The following WNT7A variants were observed in gnomAD, a reference collection of about 807,000 sequenced individuals.
WNT7A encodes Wnt family member 7A.
A neutral mutation model predicts 28.2 loss-of-function variants in WNT7A; 16 were observed. That is an observed-to-expected ratio of 0.57 (90% CI 0.38 to 0.86). The LOEUF is 0.86. Among genes scored for constraint, WNT7A ranks in the 40% least tolerant of loss-of-function variants. WNT7A has a pLI of 0.00. For synonymous variants in WNT7A, 190 were observed against 195.9 expected (o/e 0.97, Z 0.25); for missense variants, 411 against 489.7 (o/e 0.84, Z 1.52).
At chr3:13,879,719 C>T in intron 1 of WNT7A, 27 bp downstream of exon 1, 2 of 1,608,862 alleles carry the variant, frequency 1.2e-6, no homozygotes, top group Non-Finnish European at 8.5e-7. Flanking sequence ...TCGAAACACG[C>T]GCGGAAAGGG....
chr3:13,843,690 GA>G (rs200637555), intron 3 of WNT7A, among the ~76,000 whole-genome samples: 35 of 142,398 alleles, frequency 2.5e-4, no homozygotes, highest in South Asian at 2.2e-4. Context: ...AAAAGATGTT[GA>G]AAAAAAAAAA....
intron 1 of WNT7A, among the ~76,000 whole-genome samples, chr3:13,877,972 C>T (rs918247714): frequency 6.6e-6 from 1 of 152,258 alleles, no homozygotes; most frequent in Non-Finnish European, 1.5e-5. Flanking sequence ...GACTTCACCC[C>T]TCATGTCCAC....
rs937707975 is a variant in WNT7A at position 13,818,294 on chromosome 3, A to G, written c.*650T>C. On this transcript the variant is annotated 3_prime_UTR_variant, in exon 4 of 4. Transcript: ENST00000285018. ...CAAAAGGATGGAAAACATACTCTGG[A>G]AAAAACGTCTCCAAATCTGGACCAG... 6.7e-6 allele frequency: 1 copy of G among 149,322 alleles called. No individual in the cohort carries two copies. The highest frequency in any genetic ancestry group is 2.5e-5 in the African/African-American group (1 of 40,408). 9.2% of individuals were successfully genotyped at this position (149,322 alleles called of 1,614,324 possible). A position where few individuals can be genotyped will look rare whatever the true frequency, so the allele number is the denominator to read the frequency against.
At chr3:13,830,169 C>T (rs1052380955) in intron 3 of WNT7A, among the ~76,000 whole-genome samples, 3 of 152,114 alleles carry the variant, frequency 2.0e-5, no homozygotes, top group Non-Finnish European at 2.9e-5. Context: ...GCAGGAGGCT[C>T]GTTCCTGAAC....
In WNT7A at chr3:13,868,632, AAGAG is replaced by A. The variant is rs1174142160; in HGVS notation, c.298+6311_298+6314del. On this transcript the variant is annotated intron_variant, in intron 2 of 3. Coordinates refer to ENST00000285018, the MANE Select transcript of WNT7A (RefSeq NM_004625.4). ...AAAGAGAGAGAGAGAGAAAGAAAGA[AAGAG>A]AGAGGAGAAAGAAAAAAAGGAGGGA... is the stretch of plus-strand genomic sequence containing the variant. Among the ~76,000 whole-genome samples, 17 of 14,806 alleles carry A rather than the reference AAGAG, an allele frequency of 1.1e-3. 2 individuals are homozygous for A. The highest frequency in any genetic ancestry group is 0.015 in the South Asian group (2 of 136). The allele number at this position is 14,806 out of a possible 152,430, so 9.7% of individuals were successfully genotyped here.
chr3:13,819,486 C>A, intron 3 of WNT7A, 63 bp from the exon 4 acceptor site: 1 of 1,567,776 alleles, frequency 6.4e-7, no homozygotes, highest in Non-Finnish European at 8.6e-7. Context: ...AAGTGCAGCC[C>A]CCAGCTCCCC....
At chr3:13,868,367 C>T (rs1433875358) in intron 2 of WNT7A, among the ~76,000 whole-genome samples, 1 of 151,498 alleles carries the variant, frequency 6.6e-6, no homozygotes, top group East Asian at 1.9e-4. Flanking sequence ...GTGGTGTGTG[C>T]CTGTAATCCC....
At position 13,819,088 on chromosome 3, in the gene WNT7A, G is replaced by C; in HGVS notation, c.906C>G (p.Ser302Arg). 6.2e-7 allele frequency: 1 copy of C among 1,614,106 alleles called. No individual in the cohort carries two copies. Among genetic ancestry groups the C allele is most frequent in the Non-Finnish European group, 8.5e-7 (1 of 1,179,996 alleles). The change falls in exon 4 of 4, where the codon AGC becomes AGG. Residue 302 changes from serine (S) to arginine (R), a missense_variant. Physicochemically the swap from Ser to Arg is moderately radical, Grantham distance 110. Transcript: ENST00000285018. ...GCCCACAGCACATGAGGTCACAGCC[G>C]CTGGCCTGGGGAGCCGTCTTGTTGC... ...RACNKTAPQA[S>R]GCDLMCCGRG...
chr3:13,874,366 G>A (rs56347683), intron 2 of WNT7A, among the ~76,000 whole-genome samples: 29,333 of 152,154 alleles, frequency 0.19, 3,077 homozygotes, highest in South Asian at 0.25. Flanking sequence ...AAAACTCTGT[G>A]TGTATGTATG....
chr3:13,819,330 G>C lies in WNT7A; in HGVS notation c.664C>G (p.Arg222Gly). ...TCCTTGAGCACGTAGCCCAGCTCCC[G>C]AAACTGTGGCAGTGTGGTCCAGCAC... is the stretch of plus-strand genomic sequence containing the variant. ...KTCWTTLPQF[R>G]ELGYVLKDKY... The change falls in exon 4 of 4, where the codon CGG (arginine) becomes GGG (glycine). Residue 222 changes from arginine to glycine, a missense_variant. Physicochemically the swap from Arg to Gly is moderately radical, Grantham distance 125. Transcript: ENST00000285018. 1 of 1,613,176 alleles carries C rather than the reference G, an allele frequency of 6.2e-7. No individual in the cohort carries two copies. The highest frequency in any genetic ancestry group is 8.5e-7 in the Non-Finnish European group (1 of 1,179,330).
intron 3 of WNT7A, among the ~76,000 whole-genome samples, chr3:13,852,473 G>A (rs1694653829): frequency 2.0e-5 from 3 of 152,214 alleles, no homozygotes; most frequent in Non-Finnish European, 4.4e-5. Context: ...TGAGTAAATG[G>A]CGTGTTGCAA....
chr3:13,856,908 GAA>G (rs1694745047), intron 2 of WNT7A, among the ~76,000 whole-genome samples: 1 of 74,476 alleles, frequency 1.3e-5, no homozygotes, highest in Non-Finnish European at 2.5e-5. Flanking sequence ...AGAAGAAGAA[GAA>G]GAAGAAGAAG....
At chr3:13,841,452 A>C (rs1017270310) in intron 3 of WNT7A, among the ~76,000 whole-genome samples, 46 of 152,214 alleles carry the variant, frequency 3.0e-4, no homozygotes, top group Non-Finnish European at 6.2e-4. Context: ...CAACTGTATG[A>C]CTTTGGGCGA....
intron 2 of WNT7A, among the ~76,000 whole-genome samples, chr3:13,874,290 T>C (rs13090095): frequency 0.5 from 75,826 of 151,808 alleles, 19,949 homozygotes; most frequent in East Asian, 0.76. Flanking sequence ...AGACCAGCAT[T>C]GCTCTCTCTG....
At chr3:13,878,813 AT>A (rs112906869) in intron 1 of WNT7A, among the ~76,000 whole-genome samples, 1,856 of 151,890 alleles carry the variant, frequency 0.012, 49 homozygotes, top group African/African-American at 0.042. Flanking sequence ...CCATGCCCAG[AT>A]CCCCCCGCCC....
At chr3:13,856,884 GAAGAAGAAAAAGAA>G (rs1559303153) in intron 2 of WNT7A, among the ~76,000 whole-genome samples, 17 of 71,876 alleles carry the variant, frequency 2.4e-4, no homozygotes, top group African/African-American at 1.3e-3. Context: ...AGAAGAGGAA[GAAGAAGAAAAAGAA>G]GAAGAAGAAG....
intron 3 of WNT7A, among the ~76,000 whole-genome samples, chr3:13,845,895 G>C (rs140123680): frequency 4.8e-4 from 73 of 152,352 alleles, no homozygotes; most frequent in Non-Finnish European, 2.9e-5. Flanking sequence ...TCCCACTGCT[G>C]TTCATCAGGC....
chr3:13,831,613 G>A (rs973965564), intron 3 of WNT7A, among the ~76,000 whole-genome samples: 1 of 152,124 alleles, frequency 6.6e-6, no homozygotes, highest in African/African-American at 2.4e-5. Flanking sequence ...GCTGCTGATG[G>A]CTAGCAGCTG....
intron 1 of WNT7A, among the ~76,000 whole-genome samples, chr3:13,878,345 G>A (rs910453464): frequency 1.3e-5 from 2 of 152,196 alleles, no homozygotes; most frequent in African/African-American, 2.4e-5. Context: ...CGAGCCAATC[G>A]GCCCTACTGG....
Sources: allele counts gnomAD v4.1 joint callset (sites outside exome capture counted in the v4.1 genomes callset), GRCh38; gene constraint gnomAD v4.1.1; transcripts MANE v1.5; gene names NCBI Gene and HGNC (gene_info 2026-07-23, HGNC 2026-07-21).